The following SLC7A1 variants were observed in gnomAD, a reference collection of about 807,000 sequenced individuals.
SLC7A1 encodes solute carrier family 7 member 1.
Under a neutral mutation model 53.9 loss-of-function variants are expected in SLC7A1, and 10 were observed. The ratio of observed to expected loss-of-function variants is 0.19; its 90% CI spans 0.11 to 0.31. The LOEUF (loss-of-function observed/expected upper bound fraction) is 0.31. Among genes scored for constraint, SLC7A1 ranks in the 10% least tolerant of loss-of-function variants. SLC7A1 has a pLI of 1.00. For missense variants in SLC7A1, 525 were observed against 827.2 expected (o/e 0.63, Z 4.48); for synonymous variants, 342 against 338.7 (o/e 1.01, Z -0.11).
At chr13:29,576,901 C>T (rs1423065886) in intron 1 of SLC7A1, among the ~76,000 whole-genome samples, 4 of 152,178 alleles carry the variant, frequency 2.6e-5, no homozygotes, top group Non-Finnish European at 5.9e-5. Context: ...CAGGCTAGAA[C>T]CCAGGTCTGT....
intron 1 of SLC7A1, among the ~76,000 whole-genome samples, chr13:29,590,591 T>G (rs974236224): frequency 2.0e-5 from 3 of 152,000 alleles, no homozygotes; most frequent in African/African-American, 7.3e-5. Flanking sequence ...ATCCAGGCAG[T>G]CAGAGCCAAA....
At chr13:29,522,676 T>C (rs1442138321) in intron 7 of SLC7A1, among the ~76,000 whole-genome samples, 1 of 152,196 alleles carries the variant, frequency 6.6e-6, no homozygotes, top group Non-Finnish European at 1.5e-5. Flanking sequence ...AGGTAAAGAA[T>C]AGGGAACATC....
At position 29,535,919 on chromosome 13, in the gene SLC7A1, C is replaced by T. The variant is rs374457127; in HGVS notation, c.270G>A (p.Arg90=). 9 of 1,614,078 alleles carry T rather than the reference C, an allele frequency of 5.6e-6. No homozygotes were observed. The East Asian group carries it at 6.7e-5, about 12-fold the overall frequency. ...AGLCYGEFGA[R]VPKTGSAYLY... is the part of the protein sequence containing the mutation. ...GGTAAGCTGAGCCCGTCTTGGGGAC[C>T]CGAGCACCAAACTCGCCATAGCACA... Residue 90 remains arginine (R), a synonymous_variant, in exon 3 of 13, where the codon CGG becomes CGA. Coordinates refer to ENST00000380752, the MANE Select transcript of SLC7A1 (RefSeq NM_003045.5).
At position 29,539,102 on chromosome 13, in the gene SLC7A1, C is replaced by T. The variant is rs145091584; in HGVS notation, c.-14-2900G>A. On this transcript the variant is annotated intron_variant, in intron 2 of 12. Transcript: ENST00000380752. ...CTCACAGGATAACATAACCTAAGCG[C>T]GCCCAGAAGGTGAGAAGGGGTCGCC... Among the ~76,000 whole-genome samples the T allele has an allele frequency of 2.3e-3, 344 of 152,278 alleles. 2 individuals carry two copies. The highest frequency in any genetic ancestry group is 7.8e-3 in the African/African-American group (324 of 41,556).
At position 29,514,557 on chromosome 13, in the gene SLC7A1, G is replaced by A. The variant is rs756647264; in HGVS notation, c.1813C>T (p.Leu605=). 6.8e-6 allele frequency: 11 copies of A among 1,610,398 alleles called. No homozygotes were observed. The East Asian group carries it at 2.5e-4, about 36-fold the overall frequency. The change falls in exon 13 of 13, where the codon CTG becomes TTG. Residue 605 remains leucine (L), a synonymous_variant. Transcript: ENST00000380752. ...AGGGACGCCTCCTCGCTGTGCCACA[G>A]GCCATAGCCAAAGTAGATGATGAAG... ...IGFIIYFGYG[L]WHSEEASLDA... is the part of the protein sequence containing the mutation.
At chr13:29,519,231 C>T (rs2139072519) in intron 9 of SLC7A1, among the ~76,000 whole-genome samples, 1 of 152,268 alleles carries the variant, frequency 6.6e-6, no homozygotes, top group South Asian at 2.1e-4. Context: ...AAAATGAGGG[C>T]ACATGATAGA....
intron 11 of SLC7A1, 65 bp from the exon 12 acceptor site, chr13:29,516,311 T>C (rs975354050): frequency 3.8e-6 from 4 of 1,053,560 alleles, no homozygotes; most frequent in Middle Eastern, 2.0e-4. Flanking sequence ...TCAGTAAAAC[T>C]GTCTAGTAAA....
intron 1 of SLC7A1, among the ~76,000 whole-genome samples, chr13:29,593,763 C>CTT (rs67453429): frequency 6.8e-6 from 1 of 146,894 alleles, no homozygotes; most frequent in Admixed American, 6.8e-5. Flanking sequence ...TCAAGCCTTT[C>CTT]TTTTTTTTTT....
chr13:29,554,480 G>A lies in SLC7A1; in HGVS notation c.-114-620C>T, dbSNP rs140440114. Among the ~76,000 whole-genome samples the A allele has an allele frequency of 9.8e-3, 1,499 of 152,258 alleles. 23 individuals carry two copies. The highest frequency in any genetic ancestry group is 0.035 in the African/African-American group (1,448 of 41,546). On this transcript the variant is annotated intron_variant, in intron 1 of 12. Coordinates refer to ENST00000380752, the MANE Select transcript of SLC7A1 (RefSeq NM_003045.5). ...ATGCAGGACCTTGTTGCCTTGGAAT[G>A]GAATCGTGCTGGCCAGTGACTGGGA...
At chr13:29,590,290 A>G (rs1438312591) in intron 1 of SLC7A1, among the ~76,000 whole-genome samples, 1 of 152,192 alleles carries the variant, frequency 6.6e-6, no homozygotes, top group Non-Finnish European at 1.5e-5. Context: ...CTAAAACCCA[A>G]GGGCTTCGGA....
rs549285105 is a variant in SLC7A1 at position 29,516,320 on chromosome 13, A to ATAC, written c.1678-75_1678-74insGTA. Reference sequence around the variant, plus strand: ...AATAGTTCAGTAAAACTGTCTAGTAAAGGCAGCACAACTGAGAGTGACAGG... The same window carrying ATAC: ...AATAGTTCAGTAAAACTGTCTAGTAATACAGGCAGCACAACTGAGAGTGACAGG... On this transcript the variant is annotated intron_variant, in intron 11 of 12. Coordinates refer to ENST00000380752, the MANE Select transcript of SLC7A1 (RefSeq NM_003045.5). The ATAC allele has an allele frequency of 2.2e-4, 211 of 944,890 alleles. No individual in the cohort carries two copies. In the African/African-American group the frequency reaches 2.9e-3, roughly 13 times the overall value. 58.5% of individuals were successfully genotyped at this position (944,890 alleles called of 1,614,324 possible). A position where few individuals can be genotyped will look rare whatever the true frequency, so the allele number is the denominator to read the frequency against.
chr13:29,560,600 G>A (rs1408508383), intron 1 of SLC7A1, among the ~76,000 whole-genome samples: 1 of 151,922 alleles, frequency 6.6e-6, no homozygotes, highest in East Asian at 1.9e-4. Flanking sequence ...AATTGCATGT[G>A]CTATACTTTT....
intron 2 of SLC7A1, among the ~76,000 whole-genome samples, chr13:29,544,012 C>A (rs1031911957): frequency 3.9e-5 from 6 of 152,174 alleles, no homozygotes; most frequent in African/African-American, 1.4e-4. Context: ...ATGGCAAAGA[C>A]CACAGCATCG....
rs139652347 is a variant in SLC7A1, at chr13:29,562,977, T to C, written c.-114-9117A>G. Among the ~76,000 whole-genome samples the C allele has an allele frequency of 3.4e-3, 521 of 152,332 alleles. 6 individuals are homozygous for C. The highest frequency in any genetic ancestry group is 0.012 in the African/African-American group (498 of 41,580). On this transcript the variant is annotated intron_variant, in intron 1 of 12. Coordinates refer to ENST00000380752, the MANE Select transcript of SLC7A1 (RefSeq NM_003045.5). ...CCTTCCTTTGAGATGCAAAATACTC[T>C]GAGAAAAGGCTACAAACTCCTTCTG...
At chr13:29,577,781 G>A (rs1291317416) in intron 1 of SLC7A1, among the ~76,000 whole-genome samples, 2 of 152,134 alleles carry the variant, frequency 1.3e-5, no homozygotes, top group African/African-American at 2.4e-5. Flanking sequence ...CTTTGGAGGA[G>A]CTCACAAAGC....
At chr13:29,523,225 G>C (rs1868713332) in intron 7 of SLC7A1, 41 bp downstream of exon 7, 1 of 1,544,682 alleles carries the variant, frequency 6.5e-7, no homozygotes, top group East Asian at 2.2e-5. Context: ...CCTGCTGGTG[G>C]TTCCACCCCT....
chr13:29,545,349 G>A (rs892420771), intron 2 of SLC7A1, among the ~76,000 whole-genome samples: 7 of 151,970 alleles, frequency 4.6e-5, no homozygotes, highest in Non-Finnish European at 5.9e-5. Flanking sequence ...TCGCCCCCAT[G>A]CCACTGTGGG....
intron 1 of SLC7A1, among the ~76,000 whole-genome samples, chr13:29,591,097 G>A (rs900103487): frequency 1.3e-5 from 2 of 152,162 alleles, no homozygotes; most frequent in African/African-American, 2.4e-5. Flanking sequence ...GTGACAGAGT[G>A]TGACCCTATC....
At chr13:29,519,702 G>C (rs1868541035) in intron 8 of SLC7A1, among the ~76,000 whole-genome samples, 153 bp from the exon 9 acceptor site, 1 of 133,718 alleles carries the variant, frequency 7.5e-6, no homozygotes. Flanking sequence ...ACAGCTTAAA[G>C]GGAAGTCAAG....
Sources: gnomAD v4.1 joint callset for allele counts (sites outside exome capture counted in the v4.1 genomes callset) on GRCh38, gnomAD v4.1.1 for gene constraint, MANE v1.5 for transcripts, NCBI Gene and HGNC (gene_info 2026-07-23, HGNC 2026-07-21) for gene names.